SLC4A8: variants seen among roughly 807,000 people sequenced by gnomAD.
SLC4A8 encodes the protein electroneutral sodium bicarbonate exchanger 1.
In SLC4A8, 40 loss-of-function variants were observed where a neutral mutation model predicts 125.0. That is an observed-to-expected ratio of 0.32 (90% CI 0.25 to 0.42). SLC4A8 has a LOEUF of 0.42. Among genes scored for constraint, SLC4A8 ranks in the 10% least tolerant of loss-of-function variants. The pLI, the probability that SLC4A8 is intolerant of heterozygous loss-of-function variation, is 1.00. For missense variants in SLC4A8, 863 were observed against 1,355.1 expected (o/e 0.64, Z 5.70); for synonymous variants, 456 against 476.0 (o/e 0.96, Z 0.55).
At chr12:51,463,243 G>A (rs1950398235) in intron 10 of SLC4A8, among the ~76,000 whole-genome samples, 1 of 152,096 alleles carries the variant, frequency 6.6e-6, no homozygotes, top group Admixed American at 6.6e-5. Context: ...ACAAAATGAG[G>A]AATAAAACTG....
chr12:51,408,112 C>T (rs1390370887), intron 1 of SLC4A8, among the ~76,000 whole-genome samples: 1 of 152,192 alleles, frequency 6.6e-6, no homozygotes, highest in Non-Finnish European at 1.5e-5. Flanking sequence ...CTCATCTTAA[C>T]TGATTACACC....
chr12:51,483,216 T>C (rs1951074153), intron 16 of SLC4A8, among the ~76,000 whole-genome samples: 1 of 152,202 alleles, frequency 6.6e-6, no homozygotes, highest in African/African-American at 2.4e-5. Context: ...AAAGAGATTG[T>C]ATTTGTTTCG....
chr12:51,482,927 A>G (rs999171262), intron 16 of SLC4A8, among the ~76,000 whole-genome samples: 1 of 152,170 alleles, frequency 6.6e-6, no homozygotes, highest in Admixed American at 6.5e-5. Context: ...ATGAGCCCCA[A>G]ACTGTCTTCC....
intron 1 of SLC4A8, among the ~76,000 whole-genome samples, chr12:51,432,865 G>A (rs1466038052): frequency 6.6e-6 from 1 of 152,170 alleles, no homozygotes; most frequent in Non-Finnish European, 1.5e-5. Context: ...GAAGTAGAAT[G>A]TTAATGTATG....
chr12:51,505,306 A>G (rs1304650803), intron 23 of SLC4A8, among the ~76,000 whole-genome samples: 4 of 152,146 alleles, frequency 2.6e-5, no homozygotes, highest in African/African-American at 9.7e-5. Flanking sequence ...CTGTTGTTTG[A>G]CCTTGGATAG....
At chr12:51,482,591 G>A (rs1388027880) in intron 16 of SLC4A8, among the ~76,000 whole-genome samples, 2 of 152,114 alleles carry the variant, frequency 1.3e-5, no homozygotes, top group Non-Finnish European at 2.9e-5. Context: ...TGTTGGCCAG[G>A]CTGGTCTCGA....
At chr12:51,483,846 A>G (rs1466874477) in intron 16 of SLC4A8, among the ~76,000 whole-genome samples, 3 of 151,932 alleles carry the variant, frequency 2.0e-5, no homozygotes, top group Non-Finnish European at 1.5e-5. Context: ...CCATTACCTC[A>G]TCATTTACAT....
chr12:51,466,911 A>G (rs188655128), intron 11 of SLC4A8, among the ~76,000 whole-genome samples: 1 of 151,784 alleles, frequency 6.6e-6, no homozygotes, highest in East Asian at 1.9e-4. Flanking sequence ...GGGGCTGAGT[A>G]TTCATTGCAG....
intron 2 of SLC4A8, among the ~76,000 whole-genome samples, chr12:51,442,074 A>G (rs1483376588): frequency 6.6e-6 from 1 of 152,088 alleles, no homozygotes; most frequent in African/African-American, 2.4e-5. Context: ...TCTTCATAGC[A>G]CCCCAGGCAG....
At chr12:51,441,384 C>T (rs916373114) in intron 2 of SLC4A8, among the ~76,000 whole-genome samples, 2 of 152,188 alleles carry the variant, frequency 1.3e-5, no homozygotes, top group African/African-American at 4.8e-5. Context: ...GGATGACCCA[C>T]TCTGTCCAGT....
intron 5 of SLC4A8, 108 bp downstream of exon 5, chr12:51,453,807 G>T: frequency 9.1e-7 from 1 of 1,099,718 alleles, no homozygotes; most frequent in Non-Finnish European, 1.3e-6. Flanking sequence ...TGTGTCCTTG[G>T]GCAAGCCACA....
chr12:51,490,547 AG>A (rs1318663502), intron 19 of SLC4A8, among the ~76,000 whole-genome samples: 1 of 140,766 alleles, frequency 7.1e-6, no homozygotes, highest in Non-Finnish European at 1.5e-5. Context: ...AGGGCAACAG[AG>A]CGAGACTCCA....
intron 16 of SLC4A8, among the ~76,000 whole-genome samples, chr12:51,478,780 T>G (rs1950934135): frequency 6.6e-6 from 1 of 152,164 alleles, no homozygotes; most frequent in Non-Finnish European, 1.5e-5. Flanking sequence ...TGGATTAGGA[T>G]GTGGTGAATT....
rs1364804923 is a variant in SLC4A8 at position 51,497,078 on chromosome 12, A to C, written c.3035A>C (p.Lys1012Thr). Residue 1012 changes from lysine (K) to threonine (T), a missense_variant, in exon 22 of 25, where the codon AAA becomes ACA. Transcript: ENST00000453097. ...SWLDDLMPES[K>T]KKKLDDAKKK... Reference sequence around the variant, plus strand: ...CTAGATGATCTCATGCCTGAAAGCAAAAAGAAGAAGTTGGATGATGCCAAA... The same window carrying C: ...CTAGATGATCTCATGCCTGAAAGCACAAAGAAGAAGTTGGATGATGCCAAA... The C allele has an allele frequency of 1.2e-6, 2 of 1,613,940 alleles. No homozygotes were observed. The highest frequency in any genetic ancestry group is 3.3e-5 in the Admixed American group (2 of 59,970).
rs781737083 is a variant in SLC4A8, at chr12:51,471,312, C to T, written c.1684C>T (p.Leu562=). 3 of 1,613,306 alleles carry T rather than the reference C, an allele frequency of 1.9e-6. No homozygotes were observed. Among genetic ancestry groups the T allele is most frequent in the East Asian group, 4.5e-5 (2 of 44,888 alleles). ...AGACTATGCTCTTTCATACCTCTCCCTGCGAGCTTGTATTGGACTGTGGAC... is the reference window on the plus strand; with the variant it reads ...AGACTATGCTCTTTCATACCTCTCCTTGCGAGCTTGTATTGGACTGTGGAC... ...CKDYALSYLS[L]RACIGLWTAF... Residue 562 remains leucine (L), a synonymous_variant, in exon 14 of 25, where the codon CTG becomes TTG. Coordinates refer to ENST00000453097, the MANE Select transcript of SLC4A8 (RefSeq NM_001039960.3).
chr12:51,451,694 A>G (rs1038842066), intron 3 of SLC4A8, among the ~76,000 whole-genome samples: 15 of 151,950 alleles, frequency 9.9e-5, no homozygotes, highest in Admixed American at 3.3e-4. Flanking sequence ...GTTTGTACCT[A>G]TTTTCAGAAG....
rs1346143434 is a variant in SLC4A8, at chr12:51,505,781, G to A, written c.3174-54G>A. The A allele has an allele frequency of 1.5e-5, 12 of 793,012 alleles. No homozygotes were observed. In the East Asian group the frequency reaches 2.8e-4, roughly 19 times the overall value. The allele number at this position is 793,012 out of a possible 1,614,324, so 49.1% of individuals were successfully genotyped here. On this transcript the variant is annotated intron_variant, in intron 23 of 24. Coordinates refer to ENST00000453097, the MANE Select transcript of SLC4A8 (RefSeq NM_001039960.3). Reference sequence around the variant, plus strand: ...TGGGACAGTGATCATTATAGACTGTGGTATGTATTTTACTTGTATGTCTGA... The same window carrying A: ...TGGGACAGTGATCATTATAGACTGTAGTATGTATTTTACTTGTATGTCTGA...
chr12:51,469,979 T>C (rs1016598013), intron 12 of SLC4A8, among the ~76,000 whole-genome samples, 191 bp downstream of exon 12: 1 of 152,182 alleles, frequency 6.6e-6, no homozygotes, highest in African/African-American at 2.4e-5. Context: ...ACTCTTCTGC[T>C]TGAACATCAG....
At chr12:51,447,052 G>GTCTATCTATCTA (rs386363007) in intron 2 of SLC4A8, among the ~76,000 whole-genome samples, 4 of 149,366 alleles carry the variant, frequency 2.7e-5, no homozygotes, top group East Asian at 2.0e-4. Context: ...CTGTCTGTCT[G>GTCTATCTATCTA]TCTGTCTATC....
Sources: gnomAD v4.1 joint callset for allele counts (sites outside exome capture counted in the v4.1 genomes callset) on GRCh38, gnomAD v4.1.1 for gene constraint, MANE v1.5 for transcripts, NCBI Gene and HGNC (gene_info 2026-07-23, HGNC 2026-07-21) for gene names.